The following TBC1D32 variants were observed in gnomAD, a reference collection of about 807,000 sequenced individuals.
TBC1D32 encodes protein broad-minded.
In TBC1D32, 151 loss-of-function variants were observed where a neutral mutation model predicts 170.3. That is an observed-to-expected ratio of 0.89 (90% CI 0.78 to 1.01). The LOEUF is 1.01. TBC1D32 is among the 50% of genes least tolerant of loss of function. TBC1D32 has a pLI of 0.00. For missense variants in TBC1D32, 1,464 were observed against 1,457.1 expected (o/e 1.00, Z -0.08); for synonymous variants, 498 against 488.0 (o/e 1.02, Z -0.27).
intron 30 of TBC1D32, among the ~76,000 whole-genome samples, chr6:121,092,049 C>T (rs563814011): frequency 1.3e-5 from 2 of 152,182 alleles, no homozygotes; most frequent in South Asian, 4.1e-4. Flanking sequence ...CAGTTCTTTC[C>T]TTAGCAACTA....
intron 14 of TBC1D32, among the ~76,000 whole-genome samples, chr6:121,280,274 A>T (rs1802799026): frequency 6.6e-6 from 1 of 151,800 alleles, no homozygotes. Context: ...TCCTCATTTT[A>T]AATATTTTTT....
intron 31 of TBC1D32, among the ~76,000 whole-genome samples, chr6:121,082,675 T>C (rs946739803): frequency 3.9e-5 from 6 of 152,038 alleles, no homozygotes; most frequent in African/African-American, 1.2e-4. Flanking sequence ...GCAATATCTA[T>C]TTAACATCTT....
chr6:121,274,133 G>A (rs1801898957), intron 15 of TBC1D32, among the ~76,000 whole-genome samples: 2 of 152,060 alleles, frequency 1.3e-5, no homozygotes, highest in African/African-American at 4.8e-5. Context: ...GGGAGGTGGA[G>A]ACCAGCCTGG....
intron 21 of TBC1D32, among the ~76,000 whole-genome samples, chr6:121,217,805 TA>T (rs1016255799): frequency 6.6e-6 from 1 of 151,958 alleles, no homozygotes; most frequent in Non-Finnish European, 1.5e-5. Context: ...TAAGAGTTTT[TA>T]AAAAAAAGAA....
At chr6:121,270,726 A>T (rs998414502) in intron 15 of TBC1D32, among the ~76,000 whole-genome samples, 12 of 152,184 alleles carry the variant, frequency 7.9e-5, no homozygotes, top group Admixed American at 6.5e-4. Flanking sequence ...ATTCCAATCA[A>T]TAGAAAAAGA....
chr6:121,212,084 A>G (rs1005977433), intron 21 of TBC1D32, among the ~76,000 whole-genome samples: 1 of 152,112 alleles, frequency 6.6e-6, no homozygotes, highest in Non-Finnish European at 1.5e-5. Flanking sequence ...ATCAAAGACT[A>G]CTATGAACAT....
intron 30 of TBC1D32, among the ~76,000 whole-genome samples, chr6:121,100,016 T>C (rs1777840039): frequency 1.3e-5 from 2 of 151,788 alleles, no homozygotes; most frequent in African/African-American, 4.8e-5. Flanking sequence ...AAAGAGTATA[T>C]GGTATGTACC....
At chr6:121,183,365 T>A (rs1409214239) in intron 22 of TBC1D32, among the ~76,000 whole-genome samples, 1 of 152,106 alleles carries the variant, frequency 6.6e-6, no homozygotes, top group African/African-American at 2.4e-5. Flanking sequence ...TGTTTGAAGA[T>A]GATAAAGACA....
intron 31 of TBC1D32, among the ~76,000 whole-genome samples, chr6:121,086,823 A>G (rs1776311336): frequency 6.6e-6 from 1 of 152,174 alleles, no homozygotes; most frequent in Non-Finnish European, 1.5e-5. Context: ...GGACATCCAC[A>G]TATGAACTAC....
In TBC1D32 at chr6:121,321,719, T is replaced by G. The variant is rs759563147; in HGVS notation, c.231A>C (p.Lys77Asn). ...CACCCTGATTCCGATCAGATGTGCA[T>G]TTTTCCATTTCTTCTTCAATCATAG... The part of the protein sequence containing the change: ...LGSMIEEEME[K>N]CTSDRNQGEE... Residue 77 changes from lysine to asparagine, a missense_variant, in exon 2 of 32, where the codon AAA becomes AAC. Lys to Asn is a moderately conservative substitution (Grantham distance 94, BLOSUM62 0). This residue lies in a region of TBC1D32 where 1,363 missense variants were observed against 1,338.1 expected (regional missense o/e 1.02). Coordinates refer to ENST00000398212, the MANE Select transcript of TBC1D32 (RefSeq NM_152730.6). 1 of 1,613,820 alleles carries G rather than the reference T, an allele frequency of 6.2e-7. No individual in the cohort carries two copies.
At position 121,308,058 on chromosome 6, in the gene TBC1D32, G is replaced by A; in HGVS notation, c.608C>T (p.Ser203Phe). Residue 203 changes from serine to phenylalanine, a missense_variant, in exon 5 of 32, where the codon TCT becomes TTT. Ser to Phe is a radical substitution (Grantham distance 155). Around this residue, in one of 3 missense-constraint regions of TBC1D32, gnomAD observed 1,363 missense variants for 1,338.1 expected, o/e 1.02. Coordinates refer to ENST00000398212, the MANE Select transcript of TBC1D32 (RefSeq NM_152730.6). The part of the protein sequence containing the change: ...ALQTLCSAPP[S>F]DVLNCENWTT... Reference sequence around the variant, plus strand: ...CCAATTTTCACAGTTGAGGACATCAGATGGAGGAGCTGAACATAATGTTTG... The same window carrying A: ...CCAATTTTCACAGTTGAGGACATCAAATGGAGGAGCTGAACATAATGTTTG... 6.2e-7 allele frequency: 1 copy of A among 1,613,866 alleles called. No individual in the cohort carries two copies. The highest frequency in any genetic ancestry group is 1.1e-5 in the South Asian group (1 of 91,044).
At chr6:121,272,618 G>A (rs1372181479) in intron 15 of TBC1D32, among the ~76,000 whole-genome samples, 1 of 152,158 alleles carries the variant, frequency 6.6e-6, no homozygotes, top group African/African-American at 2.4e-5. Flanking sequence ...AACAGGTGCT[G>A]GAGAGGATGT....
intron 21 of TBC1D32, among the ~76,000 whole-genome samples, chr6:121,220,068 A>G (rs748752202): frequency 7.2e-4 from 109 of 152,306 alleles, no homozygotes; most frequent in African/African-American, 2.6e-3. Context: ...ACACAACAAT[A>G]TTAAGATTAG....
intron 29 of TBC1D32, among the ~76,000 whole-genome samples, chr6:121,106,972 A>T (rs539107305): frequency 6.6e-6 from 1 of 151,904 alleles, no homozygotes; most frequent in South Asian, 2.1e-4. Flanking sequence ...TTGTTTTTTA[A>T]CAAAGAGTAA....
At position 121,334,465 on chromosome 6, in the gene TBC1D32, A is replaced by G; in HGVS notation, c.-35T>C. On this transcript the variant is annotated 5_prime_UTR_variant, in exon 1 of 32. Transcript: ENST00000398212. The stretch of plus-strand genomic sequence containing the variant: ...ATCAAACGTCCACTCTCATTACTCC[A>G]GGTCCGAGCAAAAGCCGCGCACTGC... 12 of 1,592,890 alleles carry G rather than the reference A, an allele frequency of 7.5e-6. No homozygotes were observed. The highest frequency in any genetic ancestry group is 1.0e-5 in the Non-Finnish European group (12 of 1,168,606).
intron 5 of TBC1D32, among the ~76,000 whole-genome samples, chr6:121,307,014 C>G (rs1386486154): frequency 1.3e-5 from 2 of 151,926 alleles, no homozygotes; most frequent in Non-Finnish European, 2.9e-5. Flanking sequence ...TTTCATATAC[C>G]ATGAATCCTT....
chr6:121,270,670 T>A (rs1254860915), intron 15 of TBC1D32, among the ~76,000 whole-genome samples: 1 of 152,098 alleles, frequency 6.6e-6, no homozygotes, highest in Non-Finnish European at 1.5e-5. Context: ...ACAGCCAAAA[T>A]CTACCAGAAG....
intron 15 of TBC1D32, among the ~76,000 whole-genome samples, chr6:121,276,780 C>T (rs922874276): frequency 6.6e-6 from 1 of 152,074 alleles, no homozygotes; most frequent in African/African-American, 2.4e-5. Context: ...ACAAAGCAGA[C>T]TGCAAAGCAA....
chr6:121,129,583 T>C (rs140610049), intron 25 of TBC1D32, among the ~76,000 whole-genome samples: 1 of 152,310 alleles, frequency 6.6e-6, no homozygotes, highest in African/African-American at 2.4e-5. Context: ...TTTTAGCTCT[T>C]TATTTTGCTT....
Sources: gnomAD v4.1 joint callset for allele counts (sites outside exome capture counted in the v4.1 genomes callset) on GRCh38, gnomAD v4.1.1 for gene constraint, gnomAD v4.1.1 regional missense constraint, MANE v1.5 for transcripts, NCBI Gene and HGNC (gene_info 2026-07-23, HGNC 2026-07-21) for gene names.